Variants in COL6A2 observed in about 807,000 individuals in gnomAD.
COL6A2 encodes collagen alpha-2(VI) chain.
In COL6A2, 90 loss-of-function variants were observed where a neutral mutation model predicts 124.9. The ratio of observed to expected loss-of-function variants is 0.72; its 90% CI spans 0.61 to 0.86. The LOEUF is 0.86. COL6A2 is among the 40% of genes least tolerant of loss of function. The pLI is 0.00. For missense variants in COL6A2, 1,607 were observed against 1,502.5 expected, an observed-to-expected ratio of 1.07 and a Z score of -1.15; for synonymous variants, 793 against 618.2, an observed-to-expected ratio of 1.28 and a Z score of -4.19.
chr21:46,115,589 AC>A (rs1396763183), intron 5 of COL6A2, among the ~76,000 whole-genome samples: 1 of 151,880 alleles, frequency 6.6e-6, no homozygotes, highest in Admixed American at 6.6e-5. Flanking sequence ...TGCAGAAGGG[AC>A]CCCCACGGGC....
At position 46,132,536 on chromosome 21, in the gene COL6A2, T is replaced by G. The variant is rs536768189; in HGVS notation, c.3044T>G (p.Ile1015Ser). ...LAQPGFFDRF[I>S]RWIC ...CAACCCGGCTTCTTCGACCGCTTCA[T>G]CCGCTGGATCTGCTAGCGCCGCCGC... is the stretch of plus-strand genomic sequence containing the variant. The change falls in exon 28 of 28, where the codon ATC (isoleucine) becomes AGC (serine). Residue 1015 changes from isoleucine (I) to serine (S), a missense_variant. Physicochemically the swap from Ile to Ser is moderately radical, Grantham distance 142. Transcript: ENST00000300527. The G allele has an allele frequency of 6.2e-7, 1 of 1,604,452 alleles. No individual in the cohort carries two copies. The highest frequency in any genetic ancestry group is 1.7e-5 in the Admixed American group (1 of 59,858).
intron 1 of COL6A2, among the ~76,000 whole-genome samples, chr21:46,102,379 A>T (rs2078296851): frequency 6.6e-6 from 1 of 152,072 alleles, no homozygotes; most frequent in Non-Finnish European, 1.5e-5. Context: ...GAATGCCTTT[A>T]ATTTCTTTTT....
At position 46,116,493 on chromosome 21, in the gene COL6A2, T is replaced by G; in HGVS notation, c.927+90T>G. 6.3e-7 allele frequency: 1 copy of G among 1,586,654 alleles called. No individual in the cohort carries two copies. On this transcript the variant is annotated intron_variant, in intron 8 of 27. Transcript: ENST00000300527. The surrounding 1 kb of genome is among the most constrained non-coding windows in gnomAD (Gnocchi z 4.6). ...GTCCGCCGCAGCCTGTCACTGCTCC[T>G]GGGGCACCGGCCTGGTCTTTTCTCA...
rs2078766032 is a variant in COL6A2 at position 46,131,977 on chromosome 21, C to T, written c.2485C>T (p.Gln829Ter). Residue 829 changes from glutamine to a stop codon, truncating the protein, a stop_gained, in exon 28 of 28, where the codon CAG (glutamine) becomes TAG (stop). Transcript: ENST00000300527. LOFTEE classifies it high-confidence loss of function. ...QTELSVAQCT[Q>*]RPVDIVFLLD... ...AGAGCTGTCCGTGGCACAGTGCACG[C>T]AGCGGCCCGTGGACATCGTCTTCCT... is the stretch of plus-strand genomic sequence containing the variant. 1.2e-6 allele frequency: 2 copies of T among 1,608,326 alleles called. No individual in the cohort carries two copies. Among genetic ancestry groups the T allele is most frequent in the African/African-American group, 1.3e-5 (1 of 74,852 alleles).
intron 25 of COL6A2, 34 bp from the exon 26 acceptor site, chr21:46,125,751 C>T (rs760713350): frequency 2.8e-5 from 45 of 1,606,382 alleles, no homozygotes; most frequent in Non-Finnish European, 3.5e-5. Flanking sequence ...GACCCCGAGG[C>T]CTCTGGCAAC....
chr21:46,131,046 T>C (rs1473296244), intron 27 of COL6A2, among the ~76,000 whole-genome samples: 1 of 152,168 alleles, frequency 6.6e-6, no homozygotes, highest in Non-Finnish European at 1.5e-5. Context: ...CAGGGTCCTC[T>C]GTGTGCATTC....
At chr21:46,120,125 C>CCCCACTGAGGTACCGCTCACCCCCCAG (rs1555874061) in intron 15 of COL6A2, among the ~76,000 whole-genome samples, 1 of 81,368 alleles carries the variant, frequency 1.2e-5, no homozygotes, top group African/African-American at 6.2e-5. Context: ...ACCCCCCGGC[C>CCCCACTGAGGTACCGCTCACCCCCCAG]CCCACTGAGG....
intron 14 of COL6A2, among the ~76,000 whole-genome samples, 157 bp downstream of exon 14, chr21:46,119,276 A>AC (rs2078524133): frequency 6.6e-6 from 1 of 151,914 alleles, no homozygotes; most frequent in African/African-American, 2.4e-5. Context: ...GACCCGGACC[A>AC]CCCCACGGGA....
Position 46,098,193 on chromosome 21 carries a change from CG to C in COL6A2, c.-28+21del, listed in dbSNP as rs2078246250. 1 of 152,092 alleles carries C rather than the reference CG, an allele frequency of 6.6e-6. No individual in the cohort carries two copies. Among genetic ancestry groups the C allele is most frequent in the South Asian group, 2.1e-4 (1 of 4,836 alleles). The allele number at this position is 152,092 out of a possible 1,614,324, so 9.4% of individuals were successfully genotyped here. A position where few individuals can be genotyped will look rare whatever the true frequency, so the allele number is the denominator to read the frequency against. On this transcript the variant is annotated intron_variant, in intron 1 of 27. Transcript: ENST00000300527. ...GACCAGGTGAGCGCCTCCCGGACCC[CG>C]CACCCTGGAAGCCGCTCGGCCCGCG...
intron 27 of COL6A2, among the ~76,000 whole-genome samples, chr21:46,127,347 T>G (rs958959560): frequency 6.6e-6 from 1 of 151,860 alleles, no homozygotes; most frequent in Non-Finnish European, 1.5e-5. Context: ...GGGCGTTCCA[T>G]GGGGAGCTCC....
chr21:46,127,912 G>A (rs2078698277), intron 27 of COL6A2, among the ~76,000 whole-genome samples: 1 of 152,202 alleles, frequency 6.6e-6, no homozygotes, highest in Non-Finnish European at 1.5e-5. Context: ...CCAGTGTTGA[G>A]CCAGCCCTGC....
At chr21:46,105,092 T>C (rs2078323027) in intron 1 of COL6A2, among the ~76,000 whole-genome samples, 1 of 152,158 alleles carries the variant, frequency 6.6e-6, no homozygotes, top group Admixed American at 6.5e-5. Context: ...GAAGTAAAGA[T>C]CTCAGCCAGG....
chr21:46,117,301 G>A, intron 10 of COL6A2, 99 bp from the exon 11 acceptor site: 3 of 1,230,524 alleles, frequency 2.4e-6, no homozygotes, highest in South Asian at 1.3e-5. Context: ...GAGCGCTGCA[G>A]CCCTGCGGGG....
chr21:46,115,248 G>T (rs2078454389), intron 5 of COL6A2, among the ~76,000 whole-genome samples: 1 of 152,240 alleles, frequency 6.6e-6, no homozygotes, highest in Admixed American at 6.5e-5. Flanking sequence ...ACAGGGCACA[G>T]CTGTGATGTT....
chr21:46,122,985 A>G, intron 21 of COL6A2, 48 bp downstream of exon 21: 1 of 1,564,114 alleles, frequency 6.4e-7, no homozygotes, highest in Non-Finnish European at 8.8e-7. Flanking sequence ...AGAGGCAGGG[A>G]GGGGCCCTGA....
intron 5 of COL6A2, among the ~76,000 whole-genome samples, chr21:46,114,373 A>C (rs1331993876): frequency 3.3e-5 from 5 of 151,540 alleles, no homozygotes; most frequent in African/African-American, 1.2e-4. Flanking sequence ...TGCAGTGAGC[A>C]GAGATCACGC....
At position 46,128,423 on chromosome 21, in the gene COL6A2, C is replaced by T. The variant is rs537690319; in HGVS notation, c.2461+1882C>T. ...GGGACAGTGTTAAATCGGCTTTCAC[C>T]AGCCCACACGGCCAGGCATCCTCCT... is the stretch of plus-strand genomic sequence containing the variant. On this transcript the variant is annotated intron_variant, in intron 27 of 27. Coordinates refer to ENST00000300527, the MANE Select transcript of COL6A2 (RefSeq NM_001849.4). Among the ~76,000 whole-genome samples the T allele has an allele frequency of 1.1e-4, 16 of 152,360 alleles. No homozygotes were observed. The South Asian group carries it at 1.7e-3, about 16-fold the overall frequency.
chr21:46,127,733 C>A (rs2078694923), intron 27 of COL6A2, among the ~76,000 whole-genome samples: 1 of 152,024 alleles, frequency 6.6e-6, no homozygotes, highest in Non-Finnish European at 1.5e-5. Context: ...AGGTGGGGGG[C>A]CTTCCTCTCC....
intron 4 of COL6A2, among the ~76,000 whole-genome samples, chr21:46,113,429 T>C (rs944600000): frequency 1.3e-5 from 2 of 151,726 alleles, no homozygotes. Flanking sequence ...TAGGCTGGAG[T>C]GCAGTGGTAC....
Sources: gnomAD v4.1 joint callset for allele counts (sites outside exome capture counted in the v4.1 genomes callset) on GRCh38, gnomAD v4.1.1 for gene constraint, Gnocchi (gnomAD v3.1) non-coding constraint, MANE v1.5 for transcripts, NCBI Gene and HGNC (gene_info 2026-07-23, HGNC 2026-07-21) for gene names.